HEATR5A: variants seen among roughly 807,000 people sequenced by gnomAD.
HEATR5A encodes the protein HEAT repeat containing 5A.
In HEATR5A, 178 loss-of-function variants were observed where a neutral mutation model predicts 218.8. That is an observed-to-expected ratio of 0.81 (90% CI 0.72 to 0.92). The LOEUF (loss-of-function observed/expected upper bound fraction) is 0.92. HEATR5A is among the 40% of genes least tolerant of loss of function. HEATR5A has a pLI of 0.00. For synonymous variants in HEATR5A, 864 were observed against 871.6 expected (o/e 0.99, Z 0.15); for missense variants, 2,420 against 2,418.9 (o/e 1.00, Z -0.01).
Position 31,308,022 on chromosome 14 carries a change from TGTGG to T in HEATR5A, c.4691-6_4691-3del. The T allele has an allele frequency of 6.3e-7, 1 of 1,594,520 alleles. No individual in the cohort carries two copies. The highest frequency in any genetic ancestry group is 8.5e-7 in the Non-Finnish European group (1 of 1,174,096). ...AACATAGAAATTCCACGCTGATTCC[TGTGG>T]AAAGCAAAAAAAGAGGAGGAGGCTT... On this transcript the variant is annotated splice_polypyrimidine_tract_variant and splice_region_variant and intron_variant, in intron 29 of 35. Transcript: ENST00000543095.
intron 2 of HEATR5A, among the ~76,000 whole-genome samples, chr14:31,400,957 A>T (rs2030855157): frequency 1.3e-5 from 2 of 151,552 alleles, no homozygotes; most frequent in Admixed American, 1.3e-4. Context: ...CTCCTGGCTC[A>T]GCCTCCCGAG....
chr14:31,292,480 TATACTGG>T lies in HEATR5A; in HGVS notation c.*818_*824del, dbSNP rs1431627756. ...AGGCTGTAAGTAATTTGTACTATTG[TATACTGG>T]ATAATCCTAGACCAGGTTTCCTAAA... is the stretch of plus-strand genomic sequence containing the variant. On this transcript the variant is annotated 3_prime_UTR_variant, in exon 36 of 36. Transcript: ENST00000543095. 6.6e-5 allele frequency: 10 copies of T among 152,222 alleles called. No homozygotes were observed. Among genetic ancestry groups the T allele is most frequent in the Admixed American group, 6.5e-4 (10 of 15,278 alleles). 9.4% of individuals were successfully genotyped at this position (152,222 alleles called of 1,614,324 possible).
At chr14:31,319,221 C>T (rs534905550) in intron 25 of HEATR5A, among the ~76,000 whole-genome samples, 2 of 152,116 alleles carry the variant, frequency 1.3e-5, no homozygotes, top group South Asian at 2.1e-4. Context: ...GGCATGATCT[C>T]GGCTCACTGC....
At chr14:31,347,368 T>C (rs1034016586) in intron 19 of HEATR5A, among the ~76,000 whole-genome samples, 7 of 152,160 alleles carry the variant, frequency 4.6e-5, no homozygotes, top group African/African-American at 1.7e-4. Context: ...CATACCATCA[T>C]GCCCGGCTAA....
At chr14:31,416,792 T>C (rs2031464919) in intron 1 of HEATR5A, among the ~76,000 whole-genome samples, 2 of 152,174 alleles carry the variant, frequency 1.3e-5, no homozygotes, top group South Asian at 2.1e-4. Flanking sequence ...TAGGAATCAC[T>C]AGATTCCTGT....
chr14:31,298,164 ATGAGAGAACC>A (rs1425962797), intron 33 of HEATR5A, among the ~76,000 whole-genome samples: 4 of 152,176 alleles, frequency 2.6e-5, no homozygotes, highest in Non-Finnish European at 1.5e-5. Flanking sequence ...CAGTAATTTC[ATGAGAGAACC>A]TAAGCTAGAA....
intron 33 of HEATR5A, 74 bp downstream of exon 33, chr14:31,302,221 A>G: frequency 1.9e-6 from 2 of 1,066,648 alleles, no homozygotes; most frequent in Admixed American, 4.2e-5. Flanking sequence ...ATCAAGTAAA[A>G]TATCTTATCC....
chr14:31,339,147 A>ATATGTATG (rs568745725), intron 21 of HEATR5A, among the ~76,000 whole-genome samples: 2 of 149,784 alleles, frequency 1.3e-5, no homozygotes, highest in Non-Finnish European at 1.5e-5. Context: ...AAACATATAT[A>ATATGTATG]TATGTATGTA....
intron 33 of HEATR5A, among the ~76,000 whole-genome samples, chr14:31,300,032 A>G (rs923892445): frequency 4.6e-5 from 7 of 151,982 alleles, no homozygotes; most frequent in Admixed American, 2.6e-4. Flanking sequence ...CGAGACTCCA[A>G]CTCAACAACA....
chr14:31,373,734 T>C (rs760187743), intron 12 of HEATR5A, among the ~76,000 whole-genome samples: 1 of 152,084 alleles, frequency 6.6e-6, no homozygotes, highest in Non-Finnish European at 1.5e-5. Flanking sequence ...TCTTCATACA[T>C]AGGTTTTTTT....
chr14:31,374,433 T>C (rs765289726), intron 12 of HEATR5A, among the ~76,000 whole-genome samples: 3 of 152,138 alleles, frequency 2.0e-5, no homozygotes, highest in Non-Finnish European at 4.4e-5. Context: ...TCGAGGCGCA[T>C]TGGCATCCCT....
intron 28 of HEATR5A, 86 bp downstream of exon 28, chr14:31,312,882 A>G: frequency 8.8e-7 from 1 of 1,137,644 alleles, no homozygotes; most frequent in African/African-American, 1.6e-5. Context: ...TGGGAAACAA[A>G]GTAAGACCCT....
chr14:31,313,322 A>G (rs1038449919), intron 27 of HEATR5A, 132 bp from the exon 28 acceptor site: 2 of 669,814 alleles, frequency 3.0e-6, no homozygotes, highest in Non-Finnish European at 5.2e-6. Flanking sequence ...TGATATCAAG[A>G]AGGCCTGTCT....
intron 13 of HEATR5A, among the ~76,000 whole-genome samples, chr14:31,370,290 G>A (rs1445379176): frequency 5.3e-5 from 8 of 151,742 alleles, no homozygotes; most frequent in Non-Finnish European, 1.0e-4. Context: ...AGAAAAATAG[G>A]TTAAAGATAT....
chr14:31,353,254 G>C (rs1480085053), intron 16 of HEATR5A, among the ~76,000 whole-genome samples: 4 of 151,892 alleles, frequency 2.6e-5, no homozygotes, highest in African/African-American at 9.7e-5. Context: ...AACTTGTTTT[G>C]TTTCCCCTAA....
chr14:31,304,085 C>T (rs1486808816), intron 32 of HEATR5A, among the ~76,000 whole-genome samples: 1 of 152,084 alleles, frequency 6.6e-6, no homozygotes, highest in Non-Finnish European at 1.5e-5. Flanking sequence ...TGGCACAGGC[C>T]TGAGTCCTAA....
At chr14:31,399,836 G>GA (rs2030806151) in intron 3 of HEATR5A, among the ~76,000 whole-genome samples, 1 of 151,492 alleles carries the variant, frequency 6.6e-6, no homozygotes, top group Admixed American at 6.6e-5. Flanking sequence ...CAAAAAACAG[G>GA]AAAAAAAAGA....
intron 1 of HEATR5A, among the ~76,000 whole-genome samples, chr14:31,410,962 ATGT>A (rs2031250689): frequency 2.0e-5 from 3 of 152,316 alleles, no homozygotes; most frequent in Admixed American, 2.0e-4. Context: ...AAAATTTGAA[ATGT>A]TAACAATATA....
At chr14:31,320,569 G>C in intron 25 of HEATR5A, 6 of 834,828 alleles carry the variant, frequency 7.2e-6, no homozygotes, top group Middle Eastern at 3.3e-4. Flanking sequence ...ACACAGGCCT[G>C]ATTAGACCCC....
Sources: allele counts gnomAD v4.1 joint callset (sites outside exome capture counted in the v4.1 genomes callset), GRCh38; gene constraint gnomAD v4.1.1; transcripts MANE v1.5; gene names NCBI Gene and HGNC (gene_info 2026-07-23, HGNC 2026-07-21).